The following TMEM63C variants were observed in gnomAD, a reference collection of about 807,000 sequenced individuals.
TMEM63C encodes the protein transmembrane protein 63C.
In TMEM63C, 32 loss-of-function variants were observed where a neutral mutation model predicts 99.2. That is an observed-to-expected ratio of 0.32 (90% CI 0.24 to 0.43). TMEM63C has a LOEUF of 0.43. Ranked by LOEUF, TMEM63C falls within the 20% of genes least tolerant of loss-of-function variation. TMEM63C has a pLI of 1.00. For missense variants in TMEM63C, 826 were observed against 1,053.0 expected (o/e 0.78, Z 2.98); for synonymous variants, 376 against 397.9 (o/e 0.94, Z 0.66).
At chr14:77,244,327 G>A (rs567807878) in intron 15 of TMEM63C, 22 bp from the exon 16 acceptor site, 35 of 1,571,346 alleles carry the variant, frequency 2.2e-5, no homozygotes, top group South Asian at 5.6e-5. Context: ...CTCTCCTGCC[G>A]TCCTCCCCTC....
Position 77,247,324 on chromosome 14 carries a change from C to T in TMEM63C, c.1601+650C>T, listed in dbSNP as rs1019941958. Among the ~76,000 whole-genome samples, 3 of 152,038 alleles carry T rather than the reference C, an allele frequency of 2.0e-5. No individual in the cohort carries two copies. The South Asian group carries it at 6.2e-4, about 32-fold the overall frequency. On this transcript the variant is annotated intron_variant, in intron 18 of 23. Transcript: ENST00000298351. ...CAAGCGATTCTCCCACCTCAGCCTG[C>T]CGAGTAGCTGAGATTACAAGCACAT...
At chr14:77,218,410 C>A (rs1888631588) in intron 2 of TMEM63C, among the ~76,000 whole-genome samples, 1 of 152,200 alleles carries the variant, frequency 6.6e-6, no homozygotes, top group Admixed American at 6.5e-5. Context: ...TTTTGACTTC[C>A]AACCTGAACA....
intron 1 of TMEM63C, among the ~76,000 whole-genome samples, chr14:77,202,931 G>A (rs543738336): frequency 6.6e-6 from 1 of 152,110 alleles, no homozygotes; most frequent in South Asian, 2.1e-4. Flanking sequence ...GTCCCTAAGT[G>A]TCAGAGCTAT....
At chr14:77,198,533 G>A (rs560277890) in intron 1 of TMEM63C, among the ~76,000 whole-genome samples, 2 of 152,336 alleles carry the variant, frequency 1.3e-5, no homozygotes, top group South Asian at 2.1e-4. Flanking sequence ...GCCACTGCAC[G>A]CATGGAGAGG....
Position 77,240,499 on chromosome 14 carries a change from G to T in TMEM63C, c.955G>T (p.Glu319Ter). 1 of 1,611,108 alleles carries T rather than the reference G, an allele frequency of 6.2e-7. No individual in the cohort carries two copies. The highest frequency in any genetic ancestry group is 8.5e-7 in the Non-Finnish European group (1 of 1,179,758). The change falls in exon 13 of 24, where the codon GAG (glutamate) becomes TAG (stop). Residue 319 changes from glutamate to a stop codon, truncating the protein, a stop_gained. Coordinates refer to ENST00000298351, the MANE Select transcript of TMEM63C (RefSeq NM_020431.4). LOFTEE classifies it high-confidence loss of function. ...GGTGGATGCAGAGCAGTATTACAGC[G>T]AGCTAGAGGAGCAGCTAACGGACGA... ...KEVDAEQYYSELEEQLTDEFN... is the reference protein window; with the variant it reads ...KEVDAEQYYS
Position 77,246,528 on chromosome 14 carries a change from TG to T in TMEM63C, c.1536-78del, listed in dbSNP as rs997466009. ...AAAGCAAGGGTCTTTCTTTGGAGATTGGGCAAGGGAGGATGGTTGAACCCTC... is the reference window on the plus strand; with the variant it reads ...AAAGCAAGGGTCTTTCTTTGGAGATTGGCAAGGGAGGATGGTTGAACCCTC... On this transcript the variant is annotated intron_variant, in intron 17 of 23. Transcript: ENST00000298351. 8 of 1,216,688 alleles carry T rather than the reference TG, an allele frequency of 6.6e-6. No individual in the cohort carries two copies. In the African/African-American group the frequency reaches 1.2e-4, roughly 18 times the overall value. 75.4% of individuals were successfully genotyped at this position (1,216,688 alleles called of 1,614,324 possible). A position where few individuals can be genotyped will look rare whatever the true frequency, so the allele number is the denominator to read the frequency against.
At chr14:77,218,538 T>C (rs899347910) in intron 2 of TMEM63C, among the ~76,000 whole-genome samples, 1 of 152,220 alleles carries the variant, frequency 6.6e-6, no homozygotes, top group Non-Finnish European at 1.5e-5. Flanking sequence ...AACTCTTGTT[T>C]CAGGGATCCA....
At chr14:77,225,579 C>T in intron 6 of TMEM63C, 118 bp downstream of exon 6, 1 of 1,002,736 alleles carries the variant, frequency 1.0e-6, no homozygotes, top group African/African-American at 1.6e-5. Flanking sequence ...TCCGTATCCT[C>T]CCCGCCACCT....
chr14:77,256,073 C>G (rs561543421), intron 23 of TMEM63C, among the ~76,000 whole-genome samples: 498 of 152,326 alleles, frequency 3.3e-3, no homozygotes, highest in South Asian at 4.1e-3. Context: ...TGACCAAAGT[C>G]TCCGCTAGCA....
intron 1 of TMEM63C, among the ~76,000 whole-genome samples, chr14:77,189,362 C>T (rs1775363158): frequency 6.6e-6 from 1 of 151,948 alleles, no homozygotes; most frequent in African/African-American, 2.4e-5. Flanking sequence ...AAGTGATCCA[C>T]CCATGTGGGC....
At chr14:77,250,072 C>T (rs534747249) in intron 21 of TMEM63C, among the ~76,000 whole-genome samples, 5 of 152,276 alleles carry the variant, frequency 3.3e-5, no homozygotes, top group Non-Finnish European at 5.9e-5. Context: ...TGGGCTAAAG[C>T]GATCCCCTGG....
chr14:77,225,265 C>A (rs757043406), intron 5 of TMEM63C, among the ~76,000 whole-genome samples, 159 bp from the exon 6 acceptor site: 4 of 152,228 alleles, frequency 2.6e-5, no homozygotes, highest in Non-Finnish European at 5.9e-5. Flanking sequence ...TCCACAGTCA[C>A]CACTGGTTCC....
intron 1 of TMEM63C, among the ~76,000 whole-genome samples, chr14:77,212,602 T>A (rs1054203170): frequency 1.3e-5 from 2 of 152,166 alleles, no homozygotes; most frequent in Non-Finnish European, 2.9e-5. Flanking sequence ...CAGAAAGAAG[T>A]ATGGTCCAGG....
intron 5 of TMEM63C, among the ~76,000 whole-genome samples, chr14:77,220,602 G>A (rs1594857908): frequency 6.6e-6 from 1 of 152,138 alleles, no homozygotes; most frequent in South Asian, 2.1e-4. Flanking sequence ...CTTGCTGTGT[G>A]CCAGCCACTG....
At chr14:77,242,574 A>C in intron 14 of TMEM63C, 105 bp downstream of exon 14, 2 of 1,431,136 alleles carry the variant, frequency 1.4e-6, no homozygotes, top group Admixed American at 3.8e-5. Flanking sequence ...CAGAGACTCC[A>C]AGGGGACTAA....
chr14:77,238,942 G>A (rs1346143728), intron 10 of TMEM63C, among the ~76,000 whole-genome samples, 175 bp downstream of exon 10: 1 of 152,218 alleles, frequency 6.6e-6, no homozygotes, highest in Non-Finnish European at 1.5e-5. Context: ...GCTGGAGCTG[G>A]AGCAGGGTGT....
At chr14:77,233,529 C>T in intron 8 of TMEM63C, 29 bp downstream of exon 8, 1 of 1,610,844 alleles carries the variant, frequency 6.2e-7, no homozygotes, top group Non-Finnish European at 8.5e-7. Flanking sequence ...CCTCCCATTC[C>T]ATTGGCTGGG....
chr14:77,212,074 G>C (rs989476253), intron 1 of TMEM63C, among the ~76,000 whole-genome samples: 3 of 152,186 alleles, frequency 2.0e-5, no homozygotes, highest in African/African-American at 7.2e-5. Flanking sequence ...TGTAGGGACT[G>C]TGCAGTCTGG....
intron 2 of TMEM63C, among the ~76,000 whole-genome samples, chr14:77,214,802 G>A (rs527986932): frequency 7.9e-5 from 12 of 152,000 alleles, no homozygotes; most frequent in African/African-American, 2.4e-4. Flanking sequence ...ACCGATAGCC[G>A]GAATCTCTTT....
Sources: gnomAD v4.1 joint callset for allele counts (sites outside exome capture counted in the v4.1 genomes callset) on GRCh38, gnomAD v4.1.1 for gene constraint, MANE v1.5 for transcripts, NCBI Gene and HGNC (gene_info 2026-07-23, HGNC 2026-07-21) for gene names.